ZDHHC24: variants seen among roughly 807,000 people sequenced by gnomAD.
The protein encoded by ZDHHC24 is zDHHC palmitoyltransferase 24.
Under a neutral mutation model 23.2 loss-of-function variants are expected in ZDHHC24, and 17 were observed. The observed-to-expected ratio is 0.73, with a 90% CI of 0.50 to 1.10. The LOEUF is 1.10. ZDHHC24 is among the 50% of genes least tolerant of loss of function. The pLI is 0.00. For synonymous variants in ZDHHC24, 186 were observed against 194.5 expected (o/e 0.96, Z 0.36); for missense variants, 366 against 393.0 (o/e 0.93, Z 0.58).
chr11:66,534,245 C>T (rs1201277460), downstream of ZDHHC24, among the ~76,000 whole-genome samples: 1 of 151,170 alleles, frequency 6.6e-6, no homozygotes, highest in African/African-American at 2.4e-5. Flanking sequence ...GAGTTCGAGA[C>T]CAGCCTGGCC....
At chr11:66,535,018 G>A (rs1329011210), downstream of ZDHHC24, among the ~76,000 whole-genome samples, 2 of 152,052 alleles carry the variant, frequency 1.3e-5, no homozygotes, top group Non-Finnish European at 2.9e-5. Context: ...TCAGACTCCC[G>A]AGTAGCTGGG....
chr11:66,530,831 C>A (rs777581539), downstream of ZDHHC24: 13 of 1,609,468 alleles, frequency 8.1e-6, no homozygotes, highest in African/African-American at 1.3e-5. Context: ...AGGCAGAGCA[C>A]ACTGTACTCC....
rs747049051 is a variant in ZDHHC24 at position 66,526,635 on chromosome 11, G to C, written c.*21+301C>G. 2 of 1,614,200 alleles carry C rather than the reference G, an allele frequency of 1.2e-6. No homozygotes were observed. The highest frequency in any genetic ancestry group is 3.3e-5 in the Admixed American group (2 of 60,020). On this transcript the variant is annotated intron_variant, in intron 4 of 4. Transcript: ENST00000526986. ...TGGGGAGGACAAATCCATTTCCACT[G>C]TCCACTTCCCTAGGTGGTGGCCTGA...
intron 4 of ZDHHC24, among the ~76,000 whole-genome samples, chr11:66,525,199 C>CAAAA (rs1202954773): frequency 1.2e-5 from 1 of 83,408 alleles, no homozygotes; most frequent in Non-Finnish European, 2.4e-5. Flanking sequence ...GACTCCATCT[C>CAAAA]AAAAAAAAAA....
At chr11:66,529,193 G>A (rs1856653032) in intron 3 of ZDHHC24, 1 of 1,463,730 alleles carries the variant, frequency 6.8e-7, no homozygotes, top group South Asian at 1.4e-5. Context: ...CAGTGGGGTG[G>A]GGGCGGGGTG....
downstream of ZDHHC24, chr11:66,520,665 A>G (rs990621068): frequency 6.0e-6 from 1 of 166,818 alleles, no homozygotes; most frequent in African/African-American, 2.4e-5. Flanking sequence ...CCTATTGTAC[A>G]TTTAAACTGT....
rs781014949 is a variant in ZDHHC24 at position 66,529,850 on chromosome 11, C to T, written c.560-362G>A. 42 of 1,611,002 alleles carry T rather than the reference C, an allele frequency of 2.6e-5. No homozygotes were observed. The highest frequency in any genetic ancestry group is 3.5e-5 in the Non-Finnish European group (41 of 1,180,004). ...ACCGGGCCTTCCAGACAGACCTATACCTGCTGCGCCTACGTGCTGCCCGCG... is the reference window on the plus strand; with the variant it reads ...ACCGGGCCTTCCAGACAGACCTATATCTGCTGCGCCTACGTGCTGCCCGCG... On this transcript the variant is annotated intron_variant, in intron 2 of 4. Transcript: ENST00000526986.
At chr11:66,525,499 G>T (rs941643086) in intron 4 of ZDHHC24, among the ~76,000 whole-genome samples, 13 of 152,114 alleles carry the variant, frequency 8.5e-5, no homozygotes, top group African/African-American at 3.1e-4. Context: ...GGAGGCAGAG[G>T]TTGCAGTGAG....
Position 66,529,288 on chromosome 11 carries a change from GGGAGGCAGTGAC to G in ZDHHC24, c.736+12_736+23del, listed in dbSNP as rs970055971. 25 of 1,535,088 alleles carry G rather than the reference GGGAGGCAGTGAC, an allele frequency of 1.6e-5. No individual in the cohort carries two copies. In the East Asian group the frequency reaches 6.1e-4, roughly 38 times the overall value. Reference sequence around the variant, plus strand: ...GTGGACCTAGGTGACTTGATGGACAGGGAGGCAGTGACGGAGGCAGGACCATGAGGCTGGTTT... The same window carrying G: ...GTGGACCTAGGTGACTTGATGGACAGGGAGGCAGGACCATGAGGCTGGTTT... On this transcript the variant is annotated intron_variant, in intron 3 of 4. Coordinates refer to the ZDHHC24 transcript ENST00000526986.
At chr11:66,527,528 G>T in intron 3 of ZDHHC24, 1 of 175,400 alleles carries the variant, frequency 5.7e-6, no homozygotes, top group Non-Finnish European at 1.2e-5. Flanking sequence ...CATTAGCCAG[G>T]CGTGTTGGCA....
chr11:66,543,275 CA>C (rs1692294583), intron 2 of ZDHHC24, among the ~76,000 whole-genome samples: 1 of 152,008 alleles, frequency 6.6e-6, no homozygotes, highest in Non-Finnish European at 1.5e-5. Flanking sequence ...ACTGTCCAGT[CA>C]AATAGGAGCC....
intron 2 of ZDHHC24, among the ~76,000 whole-genome samples, chr11:66,541,924 G>A (rs1334248956): frequency 6.6e-6 from 1 of 151,950 alleles, no homozygotes; most frequent in Non-Finnish European, 1.5e-5. Flanking sequence ...GCAAGCGCTG[G>A]AGGAGGATAT....
downstream of ZDHHC24, chr11:66,531,654 A>T (rs1555050394): frequency 6.2e-7 from 1 of 1,614,098 alleles, no homozygotes; most frequent in South Asian, 1.1e-5. Flanking sequence ...CCCCAAACTT[A>T]GGTACCCTTG....
At chr11:66,522,621 C>T (rs1256627079) in intron 4 of ZDHHC24, among the ~76,000 whole-genome samples, 1 of 152,160 alleles carries the variant, frequency 6.6e-6, no homozygotes, top group South Asian at 2.1e-4. Flanking sequence ...GCCGGGATTA[C>T]AGTCATAAGC....
At chr11:66,534,888 C>T (rs950791796), downstream of ZDHHC24, among the ~76,000 whole-genome samples, 5 of 151,370 alleles carry the variant, frequency 3.3e-5, no homozygotes, top group African/African-American at 2.4e-5. Flanking sequence ...GTAGAAACAG[C>T]GTTTCACCGT....
At chr11:66,544,776 T>G (rs781418934) in intron 1 of ZDHHC24, among the ~76,000 whole-genome samples, 14 of 152,300 alleles carry the variant, frequency 9.2e-5, no homozygotes, top group Non-Finnish European at 1.9e-4. Flanking sequence ...GTGTAGTGGT[T>G]GTTCACAGGT....
rs1856948364 is a variant in ZDHHC24, at chr11:66,535,829, GC to G, written c.*3699del. The G allele has an allele frequency of 6.6e-6, 1 of 152,166 alleles. No homozygotes were observed. The allele number at this position is 152,166 out of a possible 1,614,324, so 9.4% of individuals were successfully genotyped here. On this transcript the variant is annotated 3_prime_UTR_variant, in exon 3 of 3. Coordinates refer to ENST00000310442, the MANE Select transcript of ZDHHC24 (RefSeq NM_207340.3). The stretch of plus-strand genomic sequence containing the variant: ...CTCAAGGTTACATGGAAGAGCAAGG[GC>G]CGAGACTAGAGTTTAGGAGATGATT...
At chr11:66,521,067 C>T (rs1158489362), downstream of ZDHHC24, 13 of 613,714 alleles carry the variant, frequency 2.1e-5, no homozygotes, top group African/African-American at 3.7e-5. Context: ...GAAGTGGCAT[C>T]GTTTAGTCAA....
At position 66,537,856 on chromosome 11, in the gene ZDHHC24, A is replaced by T. The variant is rs967125497; in HGVS notation, c.*1673T>A. 6.6e-6 allele frequency: 1 copy of T among 151,682 alleles called. No individual in the cohort carries two copies. Among genetic ancestry groups the T allele is most frequent in the African/African-American group, 2.4e-5 (1 of 41,354 alleles). The allele number at this position is 151,682 out of a possible 1,614,324, so 9.4% of individuals were successfully genotyped here. ...GGCAGGAGAATGGCGTGAACCCAGAAGGCGGAGCTTGCAGTGAGCCGAGAT... is the reference window on the plus strand; with the variant it reads ...GGCAGGAGAATGGCGTGAACCCAGATGGCGGAGCTTGCAGTGAGCCGAGAT... On this transcript the variant is annotated 3_prime_UTR_variant, in exon 3 of 3. Transcript: ENST00000310442.
Sources: allele counts gnomAD v4.1 joint callset (sites outside exome capture counted in the v4.1 genomes callset), GRCh38; gene constraint gnomAD v4.1.1; transcripts MANE v1.5; gene names NCBI Gene and HGNC (gene_info 2026-07-23, HGNC 2026-07-21).